ANKRD62: variants seen among roughly 807,000 people sequenced by gnomAD.
The protein encoded by ANKRD62 is ankyrin repeat domain 62, also known as ankyrin repeat domain-containing protein 62.
Under a neutral mutation model 98.8 loss-of-function variants are expected in ANKRD62, and 61 were observed. The observed-to-expected ratio is 0.62, with a 90% confidence interval of 0.50 to 0.76. ANKRD62 has a LOEUF of 0.76. Among genes scored for constraint, ANKRD62 ranks in the 30% least tolerant of loss-of-function variants. The probability of loss-of-function intolerance (pLI) is 0.00; values close to 1 mark genes in which losing one functional copy is unlikely to be tolerated. For synonymous variants in ANKRD62, 341 were observed against 367.9 expected (o/e 0.93, Z 0.84); for missense variants, 933 against 1,082.9 (o/e 0.86, Z 1.94).
the ANKRD62 span, among the ~76,000 whole-genome samples, chr18:12,140,098 C>T: frequency 1.3e-4 from 20 of 152,158 alleles, no homozygotes; most frequent in African/African-American, 4.6e-4. Flanking sequence ...TCATTCATTT[C>T]GTCTTCCATC....
the ANKRD62 span, among the ~76,000 whole-genome samples, chr18:12,139,549 G>T: frequency 1.3e-5 from 2 of 152,066 alleles, no homozygotes; most frequent in Non-Finnish European, 2.9e-5. Flanking sequence ...GGGAGGCTGA[G>T]CTAGGAGAAT....
chr18:12,125,433 G>T, intron 12 of ANKRD62, 27 bp from the exon 13 acceptor site: 4 of 1,430,372 alleles, frequency 2.8e-6, no homozygotes, highest in Non-Finnish European at 3.6e-6. Context: ...TTGGGTGCTA[G>T]TTGAGAGTTT....
chr18:12,126,992 T>C (rs1327942266), intron 13 of ANKRD62, among the ~76,000 whole-genome samples: 1 of 152,216 alleles, frequency 6.6e-6, no homozygotes, highest in African/African-American at 2.4e-5. Context: ...CATTATAATA[T>C]GGGGAAAATG....
At chr18:12,132,415 T>C (rs1474155932), downstream of ANKRD62, among the ~76,000 whole-genome samples, 1 of 152,136 alleles carries the variant, frequency 6.6e-6, no homozygotes, top group Non-Finnish European at 1.5e-5. Context: ...TTTTCCTCCA[T>C]TTCTTCCTTC....
chr18:12,116,897 G>A (rs1909676689), intron 10 of ANKRD62, among the ~76,000 whole-genome samples: 1 of 152,078 alleles, frequency 6.6e-6, no homozygotes, highest in South Asian at 2.1e-4. Flanking sequence ...TTAAAAAAAT[G>A]GATGTCTGCA....
chr18:12,169,503 A>C, the ANKRD62 span, among the ~76,000 whole-genome samples: 2 of 151,382 alleles, frequency 1.3e-5, no homozygotes, highest in South Asian at 4.2e-4. Flanking sequence ...TGGTGGATAA[A>C]CTTTTTGATG....
chr18:12,106,898 T>C (rs1041693524), intron 7 of ANKRD62, among the ~76,000 whole-genome samples: 1 of 152,158 alleles, frequency 6.6e-6, no homozygotes, highest in African/African-American at 2.4e-5. Flanking sequence ...ATCCTCTAAA[T>C]CTGGCCGTTT....
intron 5 of ANKRD62, among the ~76,000 whole-genome samples, chr18:12,099,262 A>G (rs1909248221): frequency 6.6e-6 from 1 of 152,234 alleles, no homozygotes; most frequent in Non-Finnish European, 1.5e-5. Flanking sequence ...TTAAACATTT[A>G]TAATAACCTA....
chr18:12,095,501 TTAGAGA>T lies in ANKRD62; in HGVS notation c.401_406del (p.Arg134_Asp135del), dbSNP rs778403078. The T allele has an allele frequency of 7.0e-6, 11 of 1,572,172 alleles. No individual in the cohort carries two copies. In the African/African-American group the frequency reaches 1.3e-4, roughly 19 times the overall value. Reference sequence around the variant, plus strand: ...CTGGAACATGGCGCCAACCCAAATGTTAGAGATATGTATGGCAACACTGCTCTGCAC... The same window carrying T: ...CTGGAACATGGCGCCAACCCAAATGTTATGTATGGCAACACTGCTCTGCAC... On this transcript the variant is annotated inframe_deletion, in exon 3 of 14. Transcript: ENST00000587848.
chr18:12,101,422 G>A (rs868231405), intron 6 of ANKRD62, among the ~76,000 whole-genome samples: 10 of 152,210 alleles, frequency 6.6e-5, no homozygotes, highest in Middle Eastern at 3.4e-3. Flanking sequence ...ATATTCAGAA[G>A]CACTCCAAGC....
At chr18:12,161,582 G>A in the ANKRD62 span, among the ~76,000 whole-genome samples, 10 of 151,948 alleles carry the variant, frequency 6.6e-5, no homozygotes, top group African/African-American at 2.4e-5. Context: ...AGTTATTATG[G>A]ACTATAGTCA....
chr18:12,140,170 G>C, the ANKRD62 span, among the ~76,000 whole-genome samples: 26 of 152,280 alleles, frequency 1.7e-4, no homozygotes, highest in African/African-American at 4.6e-4. Flanking sequence ...TCATCACGTA[G>C]TTCTCGTGCC....
chr18:12,170,238 A>T, the ANKRD62 span, among the ~76,000 whole-genome samples: 1 of 152,196 alleles, frequency 6.6e-6, no homozygotes, highest in South Asian at 2.1e-4. Flanking sequence ...TCAATTTTAG[A>T]TCTTTCCTGC....
At chr18:12,145,293 G>A in the ANKRD62 span, among the ~76,000 whole-genome samples, 16 of 152,260 alleles carry the variant, frequency 1.1e-4, no homozygotes, top group Non-Finnish European at 2.9e-5. Flanking sequence ...CCCACCACAT[G>A]GGCTTGGAAT....
chr18:12,167,658 G>A, the ANKRD62 span, among the ~76,000 whole-genome samples: 7 of 152,228 alleles, frequency 4.6e-5, no homozygotes, highest in Middle Eastern at 6.8e-3. Flanking sequence ...CCCAGTAATA[G>A]GATCACTAGG....
At chr18:12,114,605 ATACATG>A in intron 8 of ANKRD62, among the ~76,000 whole-genome samples, 1 of 152,276 alleles carries the variant, frequency 6.6e-6, no homozygotes, top group East Asian at 1.9e-4. Context: ...AATGACTTAA[ATACATG>A]TACAGTGTTT....
chr18:12,094,008 T>G lies in ANKRD62; in HGVS notation c.-10T>G. The stretch of plus-strand genomic sequence containing the variant: ...GTTCCTCAGCCTGGGAGAAGATCTC[T>G]GGCTTCAGGATGGAGGTCAGGGGGT... On this transcript the variant is annotated 5_prime_UTR_variant, in exon 1 of 14. Coordinates refer to ENST00000587848, the MANE Select transcript of ANKRD62 (RefSeq NM_001277333.2). The G allele has an allele frequency of 6.5e-7, 1 of 1,534,654 alleles. No homozygotes were observed. The highest frequency in any genetic ancestry group is 1.8e-4 in the Middle Eastern group (1 of 5,532).
intron 8 of ANKRD62, 77 bp from the exon 9 acceptor site, chr18:12,115,011 T>TA (rs1409645893): frequency 4.5e-6 from 5 of 1,122,994 alleles, no homozygotes; most frequent in South Asian, 5.9e-5. Context: ...AGATTTTATA[T>TA]AAAAAAGTTT....
the ANKRD62 span, among the ~76,000 whole-genome samples, chr18:12,138,274 TC>T: frequency 1.3e-5 from 2 of 152,260 alleles, no homozygotes; most frequent in African/African-American, 4.8e-5. Context: ...TCAAAGAACA[TC>T]TTTATTTCTG....
Sources: allele counts gnomAD v4.1 joint callset (sites outside exome capture counted in the v4.1 genomes callset), GRCh38; gene constraint gnomAD v4.1.1; transcripts MANE v1.5; gene names NCBI Gene and HGNC (gene_info 2026-07-23, HGNC 2026-07-21).